The following STXBP5L variants were observed in gnomAD, a reference collection of about 807,000 sequenced individuals.
STXBP5L encodes syntaxin-binding protein 5-like.
Under a neutral mutation model 144.5 loss-of-function variants are expected in STXBP5L, and 65 were observed. The ratio of observed to expected loss-of-function variants is 0.45; its 90% CI spans 0.37 to 0.55. The LOEUF (loss-of-function observed/expected upper bound fraction) is 0.55, where lower values mean the gene tolerates loss of function less well. STXBP5L is among the 20% of genes least tolerant of loss of function. The pLI, the probability that STXBP5L is intolerant of heterozygous loss-of-function variation, is 0.00. For missense variants in STXBP5L, 1,298 were observed against 1,405.5 expected (o/e 0.92, Z 1.22); for synonymous variants, 505 against 469.6 (o/e 1.08, Z -0.97).
At chr3:120,992,749 T>A (rs890591764) in intron 3 of STXBP5L, among the ~76,000 whole-genome samples, 1 of 152,156 alleles carries the variant, frequency 6.6e-6, no homozygotes, top group Non-Finnish European at 1.5e-5. Context: ...TTATGAATAG[T>A]GCTGTAATAA....
chr3:121,334,238 A>G (rs1319974143), intron 20 of STXBP5L, among the ~76,000 whole-genome samples: 4 of 152,134 alleles, frequency 2.6e-5, no homozygotes, highest in Non-Finnish European at 5.9e-5. Context: ...TTTATCAGCA[A>G]TGTGAAAACT....
chr3:121,319,035 T>C lies in STXBP5L; in HGVS notation c.2176+495T>C, dbSNP rs548547138. 4.6e-5 allele frequency among the ~76,000 whole-genome samples: 7 copies of C among 152,270 alleles called. 1 individual carries two copies. The South Asian group carries it at 1.4e-3, about 32-fold the overall frequency. On this transcript the variant is annotated intron_variant, in intron 20 of 26. Transcript: ENST00000471454. ...AAGACAAAGTGTGCACCCATTAAAATATATTTAAAATGTGAGAATAAAGAT... is the reference window on the plus strand; with the variant it reads ...AAGACAAAGTGTGCACCCATTAAAACATATTTAAAATGTGAGAATAAAGAT...
At chr3:121,166,295 G>C (rs568138380) in intron 9 of STXBP5L, among the ~76,000 whole-genome samples, 2 of 152,038 alleles carry the variant, frequency 1.3e-5, no homozygotes, top group African/African-American at 4.8e-5. Flanking sequence ...CATGACCACC[G>C]TTCCTGGCTT....
intron 5 of STXBP5L, among the ~76,000 whole-genome samples, chr3:121,111,129 A>C (rs1385971328): frequency 1.3e-5 from 2 of 152,160 alleles, no homozygotes; most frequent in Non-Finnish European, 2.9e-5. Context: ...TCTGGTTAAC[A>C]GCTCCTGTAA....
intron 7 of STXBP5L, among the ~76,000 whole-genome samples, chr3:121,144,345 C>G (rs935752547): frequency 6.6e-6 from 1 of 151,748 alleles, no homozygotes; most frequent in Non-Finnish European, 1.5e-5. Context: ...TAACCACACA[C>G]ACAAAGAATG....
intron 9 of STXBP5L, among the ~76,000 whole-genome samples, chr3:121,161,818 T>C (rs1394442097): frequency 2.0e-5 from 3 of 152,078 alleles, no homozygotes; most frequent in Admixed American, 1.3e-4. Context: ...ATCAAATACT[T>C]AATAGTGAAA....
chr3:120,991,150 C>A (rs1942818620), intron 3 of STXBP5L, among the ~76,000 whole-genome samples: 1 of 151,546 alleles, frequency 6.6e-6, no homozygotes, highest in South Asian at 2.1e-4. Context: ...AACAAACAAC[C>A]CCATCAACAA....
At chr3:121,016,413 T>G (rs1038036315) in intron 3 of STXBP5L, among the ~76,000 whole-genome samples, 1 of 152,188 alleles carries the variant, frequency 6.6e-6, no homozygotes, top group African/African-American at 2.4e-5. Context: ...AGGTGGAAAC[T>G]CTAAGATTCA....
intron 22 of STXBP5L, among the ~76,000 whole-genome samples, chr3:121,402,565 C>T (rs1381136105): frequency 1.3e-5 from 2 of 152,090 alleles, no homozygotes; most frequent in Admixed American, 6.5e-5. Flanking sequence ...TTTGCTTTGT[C>T]ATACTTATTC....
chr3:121,286,102 G>C (rs2051222205), intron 19 of STXBP5L, among the ~76,000 whole-genome samples: 1 of 152,162 alleles, frequency 6.6e-6, no homozygotes, highest in South Asian at 2.1e-4. Flanking sequence ...GCTTAATGTA[G>C]AGAATTGTCT....
chr3:121,092,312 T>A lies in STXBP5L; in HGVS notation c.471-22613T>A, dbSNP rs1442694930. Among the ~76,000 whole-genome samples the A allele has an allele frequency of 2.0e-5, 3 of 152,068 alleles. No homozygotes were observed. In the East Asian group the frequency reaches 5.8e-4, roughly 29 times the overall value. On this transcript the variant is annotated intron_variant, in intron 5 of 26. Coordinates refer to ENST00000471454, the MANE Select transcript of STXBP5L (RefSeq NM_001308330.2). ...GTGTTTTCCAATTCTGTGATGAAAG[T>A]CATTGGTAGCTTGATGGGGATGGCA...
intron 2 of STXBP5L, among the ~76,000 whole-genome samples, chr3:120,911,361 A>G (rs796572827): frequency 7.2e-5 from 11 of 152,224 alleles, no homozygotes; most frequent in African/African-American, 2.6e-4. Flanking sequence ...TTAAAAACAT[A>G]TGGCATGGTA....
intron 19 of STXBP5L, among the ~76,000 whole-genome samples, chr3:121,316,892 G>A (rs753053918): frequency 2.6e-5 from 4 of 152,158 alleles, no homozygotes; most frequent in Non-Finnish European, 5.9e-5. Flanking sequence ...TCTAGTTCTA[G>A]CAGCCTCCTC....
intron 5 of STXBP5L, among the ~76,000 whole-genome samples, chr3:121,111,020 G>C (rs896641538): frequency 6.6e-6 from 1 of 151,882 alleles, no homozygotes; most frequent in African/African-American, 2.4e-5. Flanking sequence ...CCTCCGCTTG[G>C]TCTATTCGGC....
chr3:120,982,887 G>A (rs1049790205), intron 3 of STXBP5L, among the ~76,000 whole-genome samples: 1 of 152,170 alleles, frequency 6.6e-6, no homozygotes, highest in African/African-American at 2.4e-5. Context: ...CTGGACTGCT[G>A]GATTTGTCCT....
intron 9 of STXBP5L, among the ~76,000 whole-genome samples, chr3:121,188,425 C>A (rs1432521923): frequency 6.6e-6 from 1 of 151,900 alleles, no homozygotes; most frequent in Non-Finnish European, 1.5e-5. Flanking sequence ...ACAACCTGCT[C>A]CTGAATGACT....
At position 121,153,038 on chromosome 3, in the gene STXBP5L, T is replaced by G. The variant is rs150329129; in HGVS notation, c.753+478T>G. Among the ~76,000 whole-genome samples the G allele has an allele frequency of 4.2e-3, 645 of 152,146 alleles. 5 individuals are homozygous for G. The highest frequency in any genetic ancestry group is 0.015 in the African/African-American group (615 of 41,560). On this transcript the variant is annotated intron_variant, in intron 8 of 26. Coordinates refer to ENST00000471454, the MANE Select transcript of STXBP5L (RefSeq NM_001308330.2). The stretch of plus-strand genomic sequence containing the variant: ...TCTTCTAATACTTGCCTTCTTAGAA[T>G]AAAGAAAAATTTTGTAAATAGTAAT...
At chr3:121,227,478 G>T (rs2049156870) in intron 11 of STXBP5L, among the ~76,000 whole-genome samples, 1 of 152,138 alleles carries the variant, frequency 6.6e-6, no homozygotes, top group Non-Finnish European at 1.5e-5. Flanking sequence ...TACTCCAGAG[G>T]CTGAGGTAGG....
chr3:121,214,470 G>A (rs1342426833), intron 10 of STXBP5L, among the ~76,000 whole-genome samples: 1 of 152,134 alleles, frequency 6.6e-6, no homozygotes, highest in Non-Finnish European at 1.5e-5. Context: ...TATTTACCCA[G>A]TTGTCATTCA....
Sources: gnomAD v4.1 joint callset for allele counts (sites outside exome capture counted in the v4.1 genomes callset) on GRCh38, gnomAD v4.1.1 for gene constraint, MANE v1.5 for transcripts, NCBI Gene and HGNC (gene_info 2026-07-23, HGNC 2026-07-21) for gene names.